Variants in SERPINE2 observed in about 807,000 individuals in gnomAD.
SERPINE2 encodes glia-derived nexin.
A neutral mutation model predicts 36.3 loss-of-function variants in SERPINE2; 14 were observed. That is an observed-to-expected ratio of 0.39 (90% confidence interval 0.25 to 0.60). The LOEUF (loss-of-function observed/expected upper bound fraction) is 0.60. Among genes scored for constraint, SERPINE2 ranks in the 20% least tolerant of loss-of-function variants. The probability of loss-of-function intolerance (pLI) is 0.57; values close to 1 mark genes in which losing one functional copy is unlikely to be tolerated. For synonymous variants in SERPINE2, 192 were observed against 191.8 expected, an observed-to-expected ratio of 1.00 and a Z score of -0.01; for missense variants, 418 against 499.6, an observed-to-expected ratio of 0.84 and a Z score of 1.56.
At chr2:224,003,183 C>T (rs972966780) in intron 1 of SERPINE2, among the ~76,000 whole-genome samples, 7 of 151,938 alleles carry the variant, frequency 4.6e-5, no homozygotes, top group African/African-American at 1.7e-4. Context: ...GAGAGCAGGG[C>T]CGAGGCCCTG....
intron 3 of SERPINE2, among the ~76,000 whole-genome samples, chr2:223,997,134 C>A (rs1228204250): frequency 1.3e-5 from 2 of 152,190 alleles, no homozygotes; most frequent in Non-Finnish European, 2.9e-5. Context: ...TTCACATTCT[C>A]CTGTTGTTCC....
At chr2:224,035,675 A>C (rs1300102440) in intron 1 of SERPINE2, among the ~76,000 whole-genome samples, 1 of 152,146 alleles carries the variant, frequency 6.6e-6, no homozygotes, top group African/African-American at 2.4e-5. Flanking sequence ...TGCCTCATCC[A>C]GGTCTTCTGG....
intron 1 of SERPINE2, among the ~76,000 whole-genome samples, chr2:224,017,039 T>C (rs530057957): frequency 6.6e-6 from 1 of 152,344 alleles, no homozygotes; most frequent in East Asian, 1.9e-4. Context: ...GGAAATGTCC[T>C]GTATCTTGCC....
intron 1 of SERPINE2, among the ~76,000 whole-genome samples, chr2:224,021,556 C>T (rs1042964513): frequency 6.6e-6 from 1 of 152,152 alleles, no homozygotes; most frequent in South Asian, 2.1e-4. Flanking sequence ...TGGCTATTTG[C>T]CTTTACTTAA....
intron 1 of SERPINE2, among the ~76,000 whole-genome samples, chr2:224,007,190 C>G (rs1691456255): frequency 6.6e-6 from 1 of 152,218 alleles, no homozygotes; most frequent in African/African-American, 2.4e-5. Context: ...TGTAGGCAGA[C>G]AGCTTGGTGG....
intron 1 of SERPINE2, among the ~76,000 whole-genome samples, chr2:224,007,953 C>T (rs1017676322): frequency 1.3e-5 from 2 of 152,192 alleles, no homozygotes; most frequent in African/African-American, 2.4e-5. Context: ...TCTGGCCACG[C>T]TTTTTTCTTT....
chr2:224,005,615 C>T (rs1691393921), intron 1 of SERPINE2, among the ~76,000 whole-genome samples: 1 of 152,140 alleles, frequency 6.6e-6, no homozygotes, highest in Admixed American at 6.5e-5. Flanking sequence ...CAATCGTTTA[C>T]ATGAAGTAAC....
intron 1 of SERPINE2, 174 bp downstream of exon 1, chr2:224,038,925 G>A (rs972817659): frequency 1.2e-5 from 2 of 172,496 alleles, no homozygotes; most frequent in African/African-American, 2.4e-5. Flanking sequence ...GCGGGAGGCT[G>A]AGAAAGTTCT....
chr2:223,992,014 GAACA>G lies in SERPINE2; in HGVS notation c.488-18_488-15del, dbSNP rs777732456. The G allele has an allele frequency of 1.1e-5, 18 of 1,612,324 alleles. No individual in the cohort carries two copies. The highest frequency in any genetic ancestry group is 5.0e-5 in the Admixed American group (3 of 59,746). On this transcript the variant is annotated splice_polypyrimidine_tract_variant and intron_variant, in intron 3 of 8. Transcript: ENST00000409304. Reference sequence around the variant, plus strand: ...TGTCAATCATATCTGTGAAGCCAAAGAACAAACAAGGGAAAAATAACCTCAGGAC... The same window carrying G: ...TGTCAATCATATCTGTGAAGCCAAAGAACAAGGGAAAAATAACCTCAGGAC...
At chr2:223,983,443 C>T (rs973751556) in intron 5 of SERPINE2, among the ~76,000 whole-genome samples, 14 of 151,956 alleles carry the variant, frequency 9.2e-5, no homozygotes, top group African/African-American at 1.7e-4. Context: ...TTAGTAGAGA[C>T]GGGGTTTTTC....
intron 1 of SERPINE2, among the ~76,000 whole-genome samples, chr2:224,010,757 G>C (rs1340700250): frequency 2.0e-5 from 3 of 152,142 alleles, no homozygotes; most frequent in Non-Finnish European, 4.4e-5. Flanking sequence ...ATAGTAACCA[G>C]CCTAATACCT....
chr2:224,010,317 G>T (rs1170709943), intron 1 of SERPINE2: 1 of 984,032 alleles, frequency 1.0e-6, no homozygotes, highest in South Asian at 4.7e-5. Flanking sequence ...TGGCCAAAAA[G>T]GAACCTAAAA....
intron 3 of SERPINE2, among the ~76,000 whole-genome samples, chr2:223,993,428 G>A (rs929363612): frequency 1.3e-5 from 2 of 149,644 alleles, no homozygotes; most frequent in African/African-American, 4.8e-5. Flanking sequence ...GTCTTTGAAG[G>A]TTCAGTTGTG....
rs565065198 is a variant in SERPINE2, at chr2:224,028,821, A to G, written c.-23+10278T>C. On this transcript the variant is annotated intron_variant, in intron 1 of 8. Coordinates refer to ENST00000409304, the MANE Select transcript of SERPINE2 (RefSeq NM_001136528.2). ...GCTATGGTGGGAGGAGCCCAAAAGA[A>G]TAAGATACTCCACTTGCAGGTTCCT... is the stretch of plus-strand genomic sequence containing the variant. 1.3e-3 allele frequency among the ~76,000 whole-genome samples: 199 copies of G among 152,346 alleles called. 6 individuals carry two copies. Among genetic ancestry groups the G allele is most frequent in the Admixed American group, 0.013 (198 of 15,294 alleles).
At chr2:223,988,307 C>A (rs1291073409) in intron 4 of SERPINE2, among the ~76,000 whole-genome samples, 2 of 152,110 alleles carry the variant, frequency 1.3e-5, no homozygotes, top group Non-Finnish European at 2.9e-5. Flanking sequence ...CAGCTGGGAC[C>A]ACAGGTGAGC....
intron 4 of SERPINE2, among the ~76,000 whole-genome samples, chr2:223,987,150 C>T (rs1197774679): frequency 6.6e-6 from 1 of 152,088 alleles, no homozygotes; most frequent in African/African-American, 2.4e-5. Flanking sequence ...CTGTAAAAGC[C>T]TACAATAATA....
intron 3 of SERPINE2, among the ~76,000 whole-genome samples, chr2:223,993,530 ATGTGTGTG>A (rs36049464): frequency 1.7e-4 from 26 of 149,790 alleles, no homozygotes; most frequent in Admixed American, 4.0e-4. Context: ...GCTCAAATAT[ATGTGTGTG>A]TGTGTGTGTG....
chr2:223,982,120 T>C (rs1193265307), intron 6 of SERPINE2: 2 of 149,890 alleles, frequency 1.3e-5, no homozygotes. Flanking sequence ...TATGTACACA[T>C]CATGGAATAC....
intron 1 of SERPINE2, among the ~76,000 whole-genome samples, chr2:224,031,978 C>G (rs1460137041): frequency 6.6e-6 from 1 of 152,174 alleles, no homozygotes; most frequent in African/African-American, 2.4e-5. Flanking sequence ...GTCACCTCTC[C>G]CATGCTTGAG....
Sources: allele counts gnomAD v4.1 joint callset (sites outside exome capture counted in the v4.1 genomes callset), GRCh38; gene constraint gnomAD v4.1.1; transcripts MANE v1.5; gene names NCBI Gene and HGNC (gene_info 2026-07-23, HGNC 2026-07-21).